UBR4: variants seen among roughly 807,000 people sequenced by gnomAD.
UBR4 encodes E3 ubiquitin-protein ligase UBR4.
UBR4 carries 124 observed loss-of-function variants against 575.6 expected under a neutral mutation model. That is an observed-to-expected ratio of 0.22 (90% confidence interval 0.19 to 0.25). The LOEUF (loss-of-function observed/expected upper bound fraction) is 0.25. Ranked by LOEUF, UBR4 falls within the 10% of genes least tolerant of loss-of-function variation. The probability of loss-of-function intolerance (pLI) is 1.00; values close to 1 mark genes in which losing one functional copy is unlikely to be tolerated. For synonymous variants in UBR4, 2,455 were observed against 2,473.7 expected (o/e 0.99, Z 0.22); for missense variants, 4,818 against 6,478.8 (o/e 0.74, Z 8.80).
chr1:19,092,764 AG>A, intron 97 of UBR4, 54 bp downstream of exon 97: 2 of 1,413,652 alleles, frequency 1.4e-6, no homozygotes, highest in Non-Finnish European at 1.9e-6. Context: ...AAGGTAAACT[AG>A]GGTAGTTATA....
rs529048890 is a variant in UBR4 at position 19,090,297 on chromosome 1, G to T, written c.14212-1320C>A. Among the ~76,000 whole-genome samples the T allele has an allele frequency of 1.1e-4, 16 of 152,268 alleles. 1 individual carries two copies. The South Asian group carries it at 3.3e-3, about 32-fold the overall frequency. ...CTCACTTCAATTACGATAAAAGCCT[G>T]TCAACTGTTCTTCCTACCTCCAATC... On this transcript the variant is annotated intron_variant, in intron 97 of 105. Coordinates refer to ENST00000375254, the MANE Select transcript of UBR4 (RefSeq NM_020765.3).
intron 51 of UBR4, among the ~76,000 whole-genome samples, chr1:19,147,721 C>G (rs938070654): frequency 6.7e-6 from 1 of 149,736 alleles, no homozygotes; most frequent in Non-Finnish European, 1.5e-5. Flanking sequence ...AGGCTACCCA[C>G]GCTCAATATC....
rs569685677 is a variant in UBR4 at position 19,157,650 on chromosome 1, G to T, written c.5760+165C>A. ...CTAGGTCTAATCAAATCAATTCAGGGTTCAAGTATTTGAAAAGCTCAACAA... is the reference window on the plus strand; with the variant it reads ...CTAGGTCTAATCAAATCAATTCAGGTTTCAAGTATTTGAAAAGCTCAACAA... On this transcript the variant is annotated intron_variant, in intron 40 of 105. Transcript: ENST00000375254. The surrounding 1 kb of genome is among the most constrained non-coding windows in gnomAD (Gnocchi z 4.4). Among the ~76,000 whole-genome samples the T allele has an allele frequency of 7.2e-5, 11 of 152,328 alleles. 1 individual carries two copies. The South Asian group carries it at 2.1e-3, about 29-fold the overall frequency.
intron 18 of UBR4, 73 bp downstream of exon 18, chr1:19,178,978 T>C (rs754992655): frequency 1.9e-6 from 3 of 1,556,690 alleles, no homozygotes; most frequent in Non-Finnish European, 2.6e-6. Flanking sequence ...AGCCACAGAT[T>C]AACTACAAAG....
In UBR4 at chr1:19,110,924, T is replaced by C; in HGVS notation, c.11802-92A>G. 7 of 1,315,994 alleles carry C rather than the reference T, an allele frequency of 5.3e-6. No individual in the cohort carries two copies. The highest frequency in any genetic ancestry group is 7.3e-6 in the Non-Finnish European group (7 of 952,796). 81.5% of individuals were successfully genotyped at this position (1,315,994 alleles called of 1,614,324 possible). ...AGGGGCCCAGGGAAAATGAAATCAA[T>C]GTCTAAGGCTACCTGGCCCCAAATT... is the stretch of plus-strand genomic sequence containing the variant. On this transcript the variant is annotated intron_variant, in intron 78 of 105. Coordinates refer to ENST00000375254, the MANE Select transcript of UBR4 (RefSeq NM_020765.3). The surrounding 1 kb of genome is among the most constrained non-coding windows in gnomAD (Gnocchi z 4.5).
At position 19,201,828 on chromosome 1, in the gene UBR4, T is replaced by C. The variant is rs1183865767; in HGVS notation, c.177-13A>G. The stretch of plus-strand genomic sequence containing the variant: ...GATTTCTGATTCACTGTAAAAATAA[T>C]AATAATTCAGCCAGCATCTGCTTAG... On this transcript the variant is annotated splice_polypyrimidine_tract_variant and intron_variant, in intron 1 of 105. Transcript: ENST00000375254. The C allele has an allele frequency of 6.2e-7, 1 of 1,612,190 alleles. No individual in the cohort carries two copies. The highest frequency in any genetic ancestry group is 1.1e-5 in the South Asian group (1 of 90,994).
At chr1:19,137,175 C>T (rs2083292492) in intron 60 of UBR4, among the ~76,000 whole-genome samples, 1 of 151,980 alleles carries the variant, frequency 6.6e-6, no homozygotes, top group African/African-American at 2.4e-5. Flanking sequence ...TACCGCACAC[C>T]TGTAGTCCCA....
At chr1:19,163,865 C>T (rs768548720) in intron 33 of UBR4, 38 bp from the exon 34 acceptor site, 3 of 1,609,256 alleles carry the variant, frequency 1.9e-6, no homozygotes, top group South Asian at 1.1e-5. Context: ...AGAGGAGACA[C>T]AAAATCATCG....
At chr1:19,161,363 T>C (rs1355825701) in intron 37 of UBR4, among the ~76,000 whole-genome samples, 1 of 152,202 alleles carries the variant, frequency 6.6e-6, no homozygotes, top group Non-Finnish European at 1.5e-5. Flanking sequence ...TGTGAAATTG[T>C]GGGGAGGTCT....
chr1:19,087,678 G>A (rs1004395118), intron 99 of UBR4, 138 bp downstream of exon 99: 2 of 629,178 alleles, frequency 3.2e-6, no homozygotes, highest in African/African-American at 3.7e-5. Flanking sequence ...AGGACAGCTG[G>A]TCCTTTTGTT....
At chr1:19,138,370 C>T (rs2083430186) in intron 59 of UBR4, among the ~76,000 whole-genome samples, 189 bp from the exon 60 acceptor site, 1 of 152,200 alleles carries the variant, frequency 6.6e-6, no homozygotes, top group African/African-American at 2.4e-5. Flanking sequence ...TCACAGTAGC[C>T]ATTCACCCTT....
chr1:19,174,220 A>G, intron 22 of UBR4, 99 bp downstream of exon 22: 2 of 1,461,904 alleles, frequency 1.4e-6, no homozygotes, highest in East Asian at 2.4e-5. Flanking sequence ...TTGCAAATCA[A>G]TATTCAATAA....
At chr1:19,170,306 G>A (rs2089309850) in intron 26 of UBR4, among the ~76,000 whole-genome samples, 2 of 152,250 alleles carry the variant, frequency 1.3e-5, no homozygotes, top group Non-Finnish European at 2.9e-5. Context: ...GGCTGCGGCA[G>A]GGGGACTGCT....
chr1:19,141,201 C>T, intron 57 of UBR4, 146 bp downstream of exon 57: 1 of 1,102,996 alleles, frequency 9.1e-7, no homozygotes, highest in Non-Finnish European at 1.3e-6. Context: ...TCTCACTCTC[C>T]ACCTGTATCT....
intron 77 of UBR4, 175 bp from the exon 78 acceptor site, chr1:19,113,042 G>T: frequency 1.5e-6 from 1 of 687,378 alleles, no homozygotes; most frequent in Non-Finnish European, 2.3e-6. Flanking sequence ...GGAAACTGAA[G>T]CTTGGAGAAA....
chr1:19,110,397 T>C lies in UBR4; in HGVS notation c.11960A>G (p.Glu3987Gly), dbSNP rs921300509. The C allele has an allele frequency of 1.2e-6, 2 of 1,613,930 alleles. No homozygotes were observed. Among genetic ancestry groups the C allele is most frequent in the African/African-American group, 2.7e-5 (2 of 74,870 alleles). The change falls in exon 80 of 106, where the codon GAG becomes GGG. Residue 3987 changes from glutamate (E) to glycine (G), a missense_variant. By Grantham distance (98) the Glu-to-Gly change is moderately conservative. This residue lies in a region of UBR4 where 333 missense variants were observed against 459.2 expected (regional missense o/e 0.73). Coordinates refer to ENST00000375254, the MANE Select transcript of UBR4 (RefSeq NM_020765.3). The surrounding 1 kb of genome is among the most constrained non-coding windows in gnomAD (Gnocchi z 4.5). ...DSISKEDSCW[E>G]LRLRCALSLF... The stretch of plus-strand genomic sequence containing the variant: ...TAACTCACCACAGCGTAACCGGAGC[T>C]CCCAGCAGCTGTCCTCCTTGGAGAT...
At position 19,093,189 on chromosome 1, in the gene UBR4, C is replaced by T. The variant is rs1253610527; in HGVS notation, c.14111+124G>A. 1.3e-5 allele frequency: 16 copies of T among 1,274,850 alleles called. No homozygotes were observed. The highest frequency in any genetic ancestry group is 4.6e-5 in the East Asian group (2 of 43,082). 79.0% of individuals were successfully genotyped at this position (1,274,850 alleles called of 1,614,324 possible). On this transcript the variant is annotated intron_variant, in intron 96 of 105. Coordinates refer to ENST00000375254, the MANE Select transcript of UBR4 (RefSeq NM_020765.3). The surrounding 1 kb of genome is among the most constrained non-coding windows in gnomAD (Gnocchi z 4.8). ...TGGTCACCCACATAGTTTCCAGAAGCGGTTGGGAGGCCCCAAGGAGGGCAA... is the reference window on the plus strand; with the variant it reads ...TGGTCACCCACATAGTTTCCAGAAGTGGTTGGGAGGCCCCAAGGAGGGCAA...
chr1:19,183,815 A>G lies in UBR4; in HGVS notation c.2180T>C (p.Leu727Pro), dbSNP rs749197236. The G allele has an allele frequency of 1.2e-6, 2 of 1,614,128 alleles. No homozygotes were observed. The highest frequency in any genetic ancestry group is 1.7e-6 in the Non-Finnish European group (2 of 1,179,990). ...ATGGTCACAGCACACACAAACCTGCAGGTTAGGTGACTGAAGGTCAGAGGT... is the reference window on the plus strand; with the variant it reads ...ATGGTCACAGCACACACAAACCTGCGGGTTAGGTGACTGAAGGTCAGAGGT... ...LVTSDLQSPN[L>P]QNTLLQQLGV... The change falls in exon 17 of 106, where the codon CTG becomes CCG. Residue 727 changes from leucine to proline, a missense_variant. By Grantham distance (98) the Leu-to-Pro change is moderately conservative. Transcript: ENST00000375254.
chr1:19,178,115 C>G, intron 18 of UBR4, among the ~76,000 whole-genome samples: 1 of 152,170 alleles, frequency 6.6e-6, no homozygotes, highest in East Asian at 1.9e-4. Flanking sequence ...CAAACTTGGA[C>G]AGGTGAACCA....
Sources: allele counts gnomAD v4.1 joint callset (sites outside exome capture counted in the v4.1 genomes callset), GRCh38; gene constraint gnomAD v4.1.1; regional missense constraint gnomAD v4.1.1; non-coding constraint Gnocchi (gnomAD v3.1); transcripts MANE v1.5; gene names NCBI Gene and HGNC (gene_info 2026-07-23, HGNC 2026-07-21).